The following CDH12 variants were observed in gnomAD, a reference collection of about 807,000 sequenced individuals.
CDH12 encodes cadherin-12.
CDH12 carries 41 observed loss-of-function variants against 74.1 expected under a neutral mutation model. The observed-to-expected ratio is 0.55, with a 90% confidence interval of 0.43 to 0.72. CDH12 has a LOEUF of 0.72. CDH12 is among the 30% of genes least tolerant of loss of function. The probability of loss-of-function intolerance (pLI) is 0.00; values close to 1 mark genes in which losing one functional copy is unlikely to be tolerated. For synonymous variants in CDH12, 399 were observed against 355.0 expected (o/e 1.12, Z -1.39); for missense variants, 945 against 977.2 (o/e 0.97, Z 0.44).
intron 5 of CDH12, among the ~76,000 whole-genome samples, chr5:22,026,410 C>G (rs540569093): frequency 1.3e-5 from 2 of 152,096 alleles, no homozygotes; most frequent in African/African-American, 2.4e-5. Flanking sequence ...CAACTGCTAA[C>G]CCTTGGTTTC....
intron 5 of CDH12, among the ~76,000 whole-genome samples, chr5:22,031,875 G>C (rs1169505280): frequency 6.6e-6 from 1 of 152,060 alleles, no homozygotes; most frequent in East Asian, 1.9e-4. Context: ...TAACAGAGAT[G>C]ATAATAATGA....
intron 1 of CDH12, among the ~76,000 whole-genome samples, chr5:22,743,724 T>C (rs1021534123): frequency 6.6e-6 from 1 of 152,204 alleles, no homozygotes; most frequent in Admixed American, 6.5e-5. Context: ...AAGACATTTT[T>C]AAAAATCTTT....
chr5:22,240,235 A>G (rs554067501), intron 3 of CDH12, among the ~76,000 whole-genome samples: 1 of 152,332 alleles, frequency 6.6e-6, no homozygotes, highest in African/African-American at 2.4e-5. Context: ...GATATTGATC[A>G]TCTTCATTCT....
At chr5:22,354,846 T>C (rs1740497423) in intron 3 of CDH12, among the ~76,000 whole-genome samples, 1 of 152,208 alleles carries the variant, frequency 6.6e-6, no homozygotes, top group African/African-American at 2.4e-5. Context: ...ATATATATAC[T>C]GGTTTATAAT....
intron 7 of CDH12, among the ~76,000 whole-genome samples, chr5:21,850,793 AC>A: frequency 6.6e-6 from 1 of 151,488 alleles, no homozygotes; most frequent in South Asian, 2.1e-4. Flanking sequence ...GAAATAAAAA[AC>A]TTTTAAAGTA....
intron 1 of CDH12, among the ~76,000 whole-genome samples, chr5:22,517,535 C>T (rs934233032): frequency 1.3e-5 from 2 of 152,096 alleles, no homozygotes; most frequent in African/African-American, 2.4e-5. Flanking sequence ...TGATTGATAG[C>T]CTCCATATGT....
intron 1 of CDH12, among the ~76,000 whole-genome samples, chr5:22,682,354 G>A (rs1561574327): frequency 6.6e-6 from 1 of 151,960 alleles, no homozygotes; most frequent in Non-Finnish European, 1.5e-5. Context: ...CTTTTAAAAA[G>A]CATTATAAAT....
At chr5:22,369,536 TCA>T (rs1359253310) in intron 3 of CDH12, among the ~76,000 whole-genome samples, 2 of 152,284 alleles carry the variant, frequency 1.3e-5, no homozygotes, top group Non-Finnish European at 2.9e-5. Context: ...CTTTAAGATT[TCA>T]CATTTTAAAG....
chr5:21,757,318 G>T (rs776523692), intron 13 of CDH12, among the ~76,000 whole-genome samples: 1 of 152,104 alleles, frequency 6.6e-6, no homozygotes, highest in Non-Finnish European at 1.5e-5. Flanking sequence ...TGGGACTACA[G>T]GTGCCTGCCA....
intron 3 of CDH12, among the ~76,000 whole-genome samples, chr5:22,350,635 T>C (rs1253545836): frequency 6.6e-6 from 1 of 152,180 alleles, no homozygotes; most frequent in Non-Finnish European, 1.5e-5. Context: ...TTGTATTGAT[T>C]TTTATCTGCA....
intron 6 of CDH12, among the ~76,000 whole-genome samples, chr5:21,912,676 C>T (rs1401992298): frequency 1.3e-5 from 2 of 152,136 alleles, no homozygotes; most frequent in Non-Finnish European, 2.9e-5. Context: ...TCAAGATGCC[C>T]GGTCCACACC....
intron 3 of CDH12, among the ~76,000 whole-genome samples, chr5:22,275,800 A>G (rs1736608066): frequency 6.6e-6 from 1 of 152,188 alleles, no homozygotes; most frequent in South Asian, 2.1e-4. Context: ...AGATGAAGGC[A>G]AGAGAGTTAA....
intron 5 of CDH12, among the ~76,000 whole-genome samples, chr5:21,996,104 CGTTTTTTT>C (rs1736276762): frequency 8.2e-6 from 1 of 121,798 alleles, no homozygotes; most frequent in Non-Finnish European, 1.6e-5. Flanking sequence ...TTCACACACA[CGTTTTTTT>C]TTTTTTTTTT....
intron 6 of CDH12, among the ~76,000 whole-genome samples, chr5:21,933,693 G>C (rs939129370): frequency 5.3e-5 from 8 of 152,186 alleles, no homozygotes; most frequent in Non-Finnish European, 1.0e-4. Context: ...GGTTGCTCTA[G>C]ATGTAAATTA....
intron 5 of CDH12, among the ~76,000 whole-genome samples, chr5:22,069,253 C>A (rs961767992): frequency 6.6e-6 from 1 of 152,088 alleles, no homozygotes; most frequent in Non-Finnish European, 1.5e-5. Flanking sequence ...ATGTTTCCCA[C>A]CAGTCCAAAG....
At chr5:21,955,335 A>G (rs921517324) in intron 6 of CDH12, among the ~76,000 whole-genome samples, 2 of 151,944 alleles carry the variant, frequency 1.3e-5, no homozygotes, top group African/African-American at 4.8e-5. Context: ...AATTAGAAAA[A>G]GGCAAATTAC....
chr5:22,107,460 G>GTA (rs1321048945), intron 4 of CDH12, among the ~76,000 whole-genome samples: 1 of 60,696 alleles, frequency 1.6e-5, no homozygotes, highest in Non-Finnish European at 3.5e-5. Context: ...ATGTATATGT[G>GTA]TATATACGTA....
At chr5:22,205,946 T>C (rs983602258) in intron 4 of CDH12, among the ~76,000 whole-genome samples, 4 of 152,132 alleles carry the variant, frequency 2.6e-5, no homozygotes, top group South Asian at 2.1e-4. Flanking sequence ...AATGGTTATG[T>C]AGAAATCAAC....
intron 1 of CDH12, among the ~76,000 whole-genome samples, chr5:22,557,811 T>C (rs1432374887): frequency 6.6e-6 from 1 of 152,140 alleles, no homozygotes; most frequent in Non-Finnish European, 1.5e-5. Flanking sequence ...TAGTCATTAG[T>C]AATTCAATTA....
Sources: gnomAD v4.1 joint callset for allele counts (sites outside exome capture counted in the v4.1 genomes callset) on GRCh38, gnomAD v4.1.1 for gene constraint, MANE v1.5 for transcripts, NCBI Gene and HGNC (gene_info 2026-07-23, HGNC 2026-07-21) for gene names.